ABCB10: variants seen among roughly 807,000 people sequenced by gnomAD.
ABCB10 encodes ATP binding cassette subfamily B member 10, also known as ATP-binding cassette sub-family B member 10, mitochondrial.
Under a neutral mutation model 65.4 loss-of-function variants are expected in ABCB10, and 54 were observed. The observed-to-expected ratio is 0.83, with a 90% confidence interval of 0.66 to 1.04. ABCB10 has a LOEUF of 1.04. Ranked by LOEUF, ABCB10 falls within the 50% of genes least tolerant of loss-of-function variation. The pLI is 0.00. For missense variants in ABCB10, 846 were observed against 976.6 expected, an observed-to-expected ratio of 0.87 and a Z score of 1.78; for synonymous variants, 418 against 406.5, an observed-to-expected ratio of 1.03 and a Z score of -0.34.
chr1:229,540,988 G>C (rs1662829760), intron 4 of ABCB10, among the ~76,000 whole-genome samples: 1 of 152,034 alleles, frequency 6.6e-6, no homozygotes, highest in African/African-American at 2.4e-5. Flanking sequence ...TCCTAGTTGT[G>C]GGGGAAAAAA....
intron 8 of ABCB10, among the ~76,000 whole-genome samples, chr1:229,528,519 A>C (rs1342153139): frequency 6.6e-6 from 1 of 152,070 alleles, no homozygotes. Flanking sequence ...TGAATCAAGA[A>C]AGTGATTCCA....
Position 229,531,651 on chromosome 1 carries a change from T to C in ABCB10, c.1420A>G (p.Lys474Glu). Residue 474 changes from lysine to glutamate, a missense_variant, in exon 7 of 13, where the codon AAG (lysine) becomes GAG (glutamate). Physicochemically the swap from Lys to Glu is moderately conservative, Grantham distance 56. Transcript: ENST00000344517. The part of the protein sequence containing the change: ...RLWELLEREP[K>E]LPFNEGVILN... ...TCAGACCCACCGTTAAAAGGCAGCT[T>C]GGGCTCTCTCTCCAGGAGCTCCCAG... 1.9e-6 allele frequency: 3 copies of C among 1,613,890 alleles called. No homozygotes were observed. Among genetic ancestry groups the C allele is most frequent in the Non-Finnish European group, 1.7e-6 (2 of 1,179,838 alleles).
At chr1:229,551,218 C>T (rs1022391917) in intron 1 of ABCB10, among the ~76,000 whole-genome samples, 4 of 152,088 alleles carry the variant, frequency 2.6e-5, no homozygotes, top group Non-Finnish European at 2.9e-5. Flanking sequence ...TGCTCTTGCC[C>T]CTCCTTAAGG....
chr1:229,524,168 T>A (rs1017286011), intron 10 of ABCB10, among the ~76,000 whole-genome samples: 1 of 152,042 alleles, frequency 6.6e-6, no homozygotes, highest in Non-Finnish European at 1.5e-5. Flanking sequence ...TTTTTGTTTT[T>A]TTTTTTAAGA....
chr1:229,549,431 G>A lies in ABCB10; in HGVS notation c.521C>T (p.Ala174Val), dbSNP rs555548953. The part of the protein sequence containing the change: ...AYPERRRLAA[A>V]VGFLTMSSVI... ...ACTGGACATCGTGAGAAATCCAACC[G>A]CAGCTAGAAAACACAAGCACTCTCA... The change falls in exon 2 of 13, where the codon GCG (alanine) becomes GTG (valine). Residue 174 changes from alanine to valine, a missense_variant. Physicochemically the swap from Ala to Val is moderately conservative, Grantham distance 64. Coordinates refer to ENST00000344517, the MANE Select transcript of ABCB10 (RefSeq NM_012089.3). 9 of 1,612,896 alleles carry A rather than the reference G, an allele frequency of 5.6e-6. No individual in the cohort carries two copies. The highest frequency in any genetic ancestry group is 4.4e-5 in the South Asian group (4 of 90,878).
chr1:229,543,723 C>G (rs1662904271), intron 3 of ABCB10, among the ~76,000 whole-genome samples: 1 of 152,112 alleles, frequency 6.6e-6, no homozygotes, highest in Admixed American at 6.5e-5. Flanking sequence ...GACCTCTCCC[C>G]CAAGAGGGAA....
At position 229,538,231 on chromosome 1, in the gene ABCB10, T is replaced by C. The variant is rs113541170; in HGVS notation, c.1339+1225A>G. 6.4e-3 allele frequency among the ~76,000 whole-genome samples: 978 copies of C among 152,184 alleles called. 11 individuals are homozygous for C. The highest frequency in any genetic ancestry group is 0.021 in the African/African-American group (889 of 41,522). On this transcript the variant is annotated intron_variant, in intron 6 of 12. Coordinates refer to ENST00000344517, the MANE Select transcript of ABCB10 (RefSeq NM_012089.3). ...TGTCCGTTGTGAACAGAGAGGGCAA[T>C]AGAACAACCACAAACAGAAATAACG...
Position 229,539,306 on chromosome 1 carries a change from T to G in ABCB10, c.1339+150A>C, listed in dbSNP as rs1662787891. On this transcript the variant is annotated intron_variant, in intron 6 of 12. Transcript: ENST00000344517. ...CTGGGGAGGGTCACACTCATTTTAC[T>G]TCTTTAAAAGCCCAGTTGGAATAAT... is the stretch of plus-strand genomic sequence containing the variant. The G allele has an allele frequency of 1.1e-5, 14 of 1,237,746 alleles. No individual in the cohort carries two copies. In the South Asian group the frequency reaches 1.9e-4, roughly 17 times the overall value. 76.7% of individuals were successfully genotyped at this position (1,237,746 alleles called of 1,614,324 possible).
chr1:229,527,459 T>C (rs1662472333), intron 8 of ABCB10, 151 bp from the exon 9 acceptor site: 6 of 679,136 alleles, frequency 8.8e-6, no homozygotes, highest in Non-Finnish European at 1.3e-5. Flanking sequence ...CTAACATATT[T>C]CATGAAATTT....
chr1:229,536,998 T>C (rs759303185), intron 6 of ABCB10, among the ~76,000 whole-genome samples: 22 of 151,150 alleles, frequency 1.5e-4, no homozygotes, highest in Non-Finnish European at 3.2e-4. Context: ...TGCTACAATA[T>C]AGATGAACTT....
In ABCB10 at chr1:229,547,580, T is replaced by G. The variant is rs1662999047; in HGVS notation, c.840A>C (p.Ala280=). The change falls in exon 3 of 13, where the codon GCA becomes GCC. Residue 280 remains alanine, a synonymous_variant. Coordinates refer to ENST00000344517, the MANE Select transcript of ABCB10 (RefSeq NM_012089.3). ...TTTCAGTCACTGAGCGCCCCAGGAG[T>G]GCAGTGTCTGATGAGAGGCGGTTAA... ...ELINRLSSDT[A]LLGRSVTENL... 2.5e-6 allele frequency: 4 copies of G among 1,613,866 alleles called. No individual in the cohort carries two copies. The highest frequency in any genetic ancestry group is 3.4e-6 in the Non-Finnish European group (4 of 1,179,958).
At chr1:229,526,333 C>T (rs1435074083) in intron 9 of ABCB10, among the ~76,000 whole-genome samples, 6 of 152,234 alleles carry the variant, frequency 3.9e-5, no homozygotes, top group Non-Finnish European at 7.3e-5. Flanking sequence ...CAGTCCCCTG[C>T]CTTAGGAATC....
chr1:229,542,400 T>C (rs1662874070), intron 3 of ABCB10, 29 bp from the exon 4 acceptor site: 1 of 1,604,634 alleles, frequency 6.2e-7, no homozygotes, highest in African/African-American at 1.3e-5. Flanking sequence ...AATTCAGAGG[T>C]GTTTGTTACA....
intron 12 of ABCB10, 145 bp from the exon 13 acceptor site, chr1:229,518,555 C>T (rs1011489451): frequency 1.5e-5 from 11 of 713,298 alleles, no homozygotes; most frequent in Non-Finnish European, 2.6e-5. Context: ...CTCCATAAAA[C>T]TATACTGTGA....
chr1:229,523,944 C>CAG (rs1662373231), intron 10 of ABCB10, among the ~76,000 whole-genome samples: 1 of 152,074 alleles, frequency 6.6e-6, no homozygotes, highest in African/African-American at 2.4e-5. Flanking sequence ...TGGAACATCT[C>CAG]AGATCTATCA....
intron 1 of ABCB10, among the ~76,000 whole-genome samples, 175 bp downstream of exon 1, chr1:229,557,961 G>A (rs1182764039): frequency 2.0e-5 from 3 of 152,230 alleles, no homozygotes; most frequent in African/African-American, 7.2e-5. Flanking sequence ...GCGAAATCTT[G>A]ACAACGCTAC....
intron 1 of ABCB10, among the ~76,000 whole-genome samples, chr1:229,551,012 C>T (rs112604022): frequency 0.03 from 4,613 of 152,250 alleles, 238 homozygotes; most frequent in African/African-American, 0.1. Flanking sequence ...CTCCTGGCCT[C>T]AAGCAGTCCT....
chr1:229,531,923 G>A, intron 6 of ABCB10, 192 bp from the exon 7 acceptor site: 1 of 402,234 alleles, frequency 2.5e-6, no homozygotes, highest in South Asian at 6.4e-5. Context: ...GTTTTCCTTT[G>A]GCTTCTCCTC....
intron 12 of ABCB10, 114 bp downstream of exon 12, chr1:229,518,727 G>T: frequency 1.0e-6 from 1 of 958,222 alleles, no homozygotes; most frequent in East Asian, 2.4e-5. Flanking sequence ...AGAGTAAAGG[G>T]GGGAAAAAGG....
Sources: gnomAD v4.1 joint callset for allele counts (sites outside exome capture counted in the v4.1 genomes callset) on GRCh38, gnomAD v4.1.1 for gene constraint, MANE v1.5 for transcripts, NCBI Gene and HGNC (gene_info 2026-07-23, HGNC 2026-07-21) for gene names.